ITPR2: variants seen among roughly 807,000 people sequenced by gnomAD.
The protein encoded by ITPR2 is inositol 1,4,5-trisphosphate-gated calcium channel ITPR2.
A neutral mutation model predicts 317.1 loss-of-function variants in ITPR2; 207 were observed. The observed-to-expected ratio is 0.65, with a 90% CI of 0.58 to 0.73. The LOEUF is 0.73. Among genes scored for constraint, ITPR2 ranks in the 30% least tolerant of loss-of-function variants. ITPR2 has a pLI of 0.00. For missense variants in ITPR2, 2,613 were observed against 3,284.0 expected, an observed-to-expected ratio of 0.80 and a Z score of 4.99; for synonymous variants, 1,156 against 1,149.1, an observed-to-expected ratio of 1.01 and a Z score of -0.12.
At chr12:26,741,224 C>T (rs1038469164) in intron 2 of ITPR2, among the ~76,000 whole-genome samples, 1 of 152,216 alleles carries the variant, frequency 6.6e-6, no homozygotes, top group Non-Finnish European at 1.5e-5. Flanking sequence ...GCAGAGGTGG[C>T]GCCTTCCAGG....
intron 45 of ITPR2, among the ~76,000 whole-genome samples, chr12:26,468,911 C>A (rs969650398): frequency 6.6e-6 from 1 of 152,078 alleles, no homozygotes; most frequent in African/African-American, 2.4e-5. Flanking sequence ...CCAATATGAC[C>A]AAAAGAAGTT....
Position 26,400,228 on chromosome 12 carries a change from C to A in ITPR2, c.7430G>T (p.Arg2477Met). Residue 2477 changes from arginine to methionine, a missense_variant, in exon 53 of 57, where the codon AGG becomes ATG. This residue lies in a region of ITPR2 where 113 missense variants were observed against 129.2 expected (regional missense o/e 0.87). Coordinates refer to ENST00000381340, the MANE Select transcript of ITPR2 (RefSeq NM_002223.4). ...GCACATAAGGAGAGTGTCACACGTC[C>A]TTTCAATTCCATCTTCATACTCTTC... is the stretch of plus-strand genomic sequence containing the variant. ...ADEEYEDGIE[R>M]TCDTLLMCIV... 6.3e-7 allele frequency: 1 copy of A among 1,590,016 alleles called. No individual in the cohort carries two copies.
At chr12:26,360,193 T>C (rs1938781746) in intron 55 of ITPR2, among the ~76,000 whole-genome samples, 2 of 152,230 alleles carry the variant, frequency 1.3e-5, no homozygotes, top group South Asian at 4.1e-4. Context: ...AAGCAAGCTC[T>C]GAGGCTTTGT....
chr12:26,456,693 G>A (rs547966156), intron 45 of ITPR2, among the ~76,000 whole-genome samples: 5 of 152,102 alleles, frequency 3.3e-5, no homozygotes, highest in African/African-American at 7.2e-5. Flanking sequence ...TTTCTTTTAA[G>A]ACAGAGTCTC....
intron 1 of ITPR2, among the ~76,000 whole-genome samples, chr12:26,806,736 C>T (rs892016938): frequency 2.6e-5 from 4 of 152,114 alleles, no homozygotes; most frequent in East Asian, 1.9e-4. Flanking sequence ...GACAGGGTTT[C>T]GCCACGTTTC....
rs1433955711 is a variant in ITPR2, at chr12:26,658,070, T to C, written c.1947A>G (p.Gln649=). ...VSNTTAIPVT[Q]ELICKFMLSP... ...TCAACATAAATTTACAGATGAGTTCTTGAGTTACAGGGATAGCAGTGGTAT... is the reference window on the plus strand; with the variant it reads ...TCAACATAAATTTACAGATGAGTTCCTGAGTTACAGGGATAGCAGTGGTAT... Residue 649 remains glutamine (Q), a synonymous_variant, in exon 17 of 57, where the codon CAA becomes CAG. Coordinates refer to ENST00000381340, the MANE Select transcript of ITPR2 (RefSeq NM_002223.4). 9 of 1,612,820 alleles carry C rather than the reference T, an allele frequency of 5.6e-6. No homozygotes were observed. The highest frequency in any genetic ancestry group is 1.1e-5 in the South Asian group (1 of 90,828).
chr12:26,363,191 G>T (rs949694785), intron 55 of ITPR2, among the ~76,000 whole-genome samples: 4 of 152,286 alleles, frequency 2.6e-5, no homozygotes, highest in African/African-American at 9.6e-5. Flanking sequence ...ATAGAAGTGT[G>T]AACCTCCTAT....
chr12:26,424,586 G>GTTTTTTTTTTTT (rs775756580), intron 49 of ITPR2, among the ~76,000 whole-genome samples: 2 of 88,730 alleles, frequency 2.3e-5, no homozygotes, highest in African/African-American at 9.2e-5. Flanking sequence ...TTCGTTTTGT[G>GTTTTTTTTTTTT]TTTTTTTTTT....
At chr12:26,442,177 T>C (rs1941501761) in intron 46 of ITPR2, among the ~76,000 whole-genome samples, 1 of 152,108 alleles carries the variant, frequency 6.6e-6, no homozygotes, top group Non-Finnish European at 1.5e-5. Context: ...ACTTTCTCCT[T>C]TCTGAAATCC....
At chr12:26,513,921 T>G (rs997155336) in intron 37 of ITPR2, among the ~76,000 whole-genome samples, 2 of 146,662 alleles carry the variant, frequency 1.4e-5, no homozygotes, top group African/African-American at 5.0e-5. Flanking sequence ...ATCCACTTGT[T>G]GTGTTTCCAC....
At chr12:26,706,407 G>A (rs957319991) in intron 9 of ITPR2, among the ~76,000 whole-genome samples, 12 of 151,892 alleles carry the variant, frequency 7.9e-5, no homozygotes, top group African/African-American at 2.7e-4. Flanking sequence ...TGGCCCCATC[G>A]CTTCCCTCTC....
chr12:26,791,186 G>A (rs537987218), intron 1 of ITPR2, among the ~76,000 whole-genome samples: 2 of 152,190 alleles, frequency 1.3e-5, no homozygotes, highest in Non-Finnish European at 2.9e-5. Context: ...CCGAGAGCCA[G>A]GAGACATGAA....
chr12:26,800,923 GA>G, intron 1 of ITPR2: 1 of 163,056 alleles, frequency 6.1e-6, no homozygotes. Flanking sequence ...CAGCTTCCTC[GA>G]AAGTCATGGA....
chr12:26,419,916 T>C (rs893123904), intron 49 of ITPR2: 3 of 152,150 alleles, frequency 2.0e-5, no homozygotes, highest in African/African-American at 7.2e-5. Context: ...AATGTACTTA[T>C]ATACCTGAGT....
intron 49 of ITPR2, among the ~76,000 whole-genome samples, chr12:26,426,204 G>C (rs1327124854): frequency 6.6e-6 from 1 of 151,618 alleles, no homozygotes; most frequent in Non-Finnish European, 1.5e-5. Flanking sequence ...TTTTCACTTG[G>C]ATTCATGTCT....
At position 26,403,640 on chromosome 12, in the gene ITPR2, C is replaced by T. The variant is rs574648974; in HGVS notation, c.7400-3382G>A. 2.6e-5 allele frequency among the ~76,000 whole-genome samples: 4 copies of T among 152,188 alleles called. No individual in the cohort carries two copies. The East Asian group carries it at 7.7e-4, about 29-fold the overall frequency. The stretch of plus-strand genomic sequence containing the variant: ...CTAAAAAAAACAAGCAAACAAACAA[C>T]AATGCAGAAGTAGCAGTGATGCAAA... On this transcript the variant is annotated intron_variant, in intron 52 of 56. Coordinates refer to ENST00000381340, the MANE Select transcript of ITPR2 (RefSeq NM_002223.4).
Position 26,337,879 on chromosome 12 carries a change from C to A in ITPR2, c.*1518G>T, listed in dbSNP as rs1937971562. On this transcript the variant is annotated 3_prime_UTR_variant, in exon 57 of 57. Transcript: ENST00000381340. ...CAGTATGTGGAAGGATTGGTTCAGGCTTCCTTTATATTCTACATAGATCTT... is the reference window on the plus strand; with the variant it reads ...CAGTATGTGGAAGGATTGGTTCAGGATTCCTTTATATTCTACATAGATCTT... 1 of 152,178 alleles carries A rather than the reference C, an allele frequency of 6.6e-6. No individual in the cohort carries two copies. The highest frequency in any genetic ancestry group is 1.5e-5 in the Non-Finnish European group (1 of 68,040). 9.4% of individuals were successfully genotyped at this position (152,178 alleles called of 1,614,324 possible). A position where few individuals can be genotyped will look rare whatever the true frequency, so the allele number is the denominator to read the frequency against.
chr12:26,487,289 G>A, intron 39 of ITPR2, 38 bp from the exon 40 acceptor site: 2 of 1,471,038 alleles, frequency 1.4e-6, no homozygotes, highest in Non-Finnish European at 1.8e-6. Context: ...AATACCCAAG[G>A]GGAGACAAAT....
At position 26,460,656 on chromosome 12, in the gene ITPR2, T is replaced by A. The variant is rs376845164; in HGVS notation, c.6342+14640A>T. The stretch of plus-strand genomic sequence containing the variant: ...AACTGTGGTCTGCAGACAACTTGAA[T>A]AAAAATATCCAGGATATACGGTAAA... On this transcript the variant is annotated intron_variant, in intron 45 of 56. Transcript: ENST00000381340. Among the ~76,000 whole-genome samples, 4 of 152,158 alleles carry A rather than the reference T, an allele frequency of 2.6e-5. 1 individual carries two copies. Among genetic ancestry groups the A allele is most frequent in the African/African-American group, 9.6e-5 (4 of 41,514 alleles).
Sources: allele counts gnomAD v4.1 joint callset (sites outside exome capture counted in the v4.1 genomes callset), GRCh38; gene constraint gnomAD v4.1.1; regional missense constraint gnomAD v4.1.1; transcripts MANE v1.5; gene names NCBI Gene and HGNC (gene_info 2026-07-23, HGNC 2026-07-21).